The following DMD variants were observed in gnomAD, a reference collection of about 807,000 sequenced individuals.
DMD encodes mutant dystrophin.
A neutral mutation model predicts 330.1 loss-of-function variants in DMD; 63 were observed. The observed-to-expected ratio is 0.19, with a 90% CI of 0.16 to 0.24. The LOEUF (loss-of-function observed/expected upper bound fraction) is 0.24. Ranked by LOEUF, DMD falls within the 10% of genes least tolerant of loss-of-function variation. The pLI, the probability that DMD is intolerant of heterozygous loss-of-function variation, is 1.00. For synonymous variants in DMD, 1,223 were observed against 959.8 expected (o/e 1.27, Z -5.07); for missense variants, 3,344 against 2,684.1 (o/e 1.25, Z -5.43).
At chrX:32,557,546 A>G (rs1395381092) in intron 16 of DMD, among the ~76,000 whole-genome samples, 1 of 111,634 alleles carries the variant, frequency 9.0e-6, no homozygotes, top group Admixed American at 9.6e-5. Flanking sequence ...AGTGATCAAT[A>G]AGTTTTAATG....
chrX:31,329,510 A>C (rs1267662754), intron 61 of DMD, among the ~76,000 whole-genome samples: 1 of 111,987 alleles, frequency 8.9e-6, no homozygotes, highest in East Asian at 2.8e-4. Flanking sequence ...AGAAGCAGTA[A>C]ATAGAAAAGT....
At chrX:32,282,122 T>C (rs2097422912) in intron 43 of DMD, among the ~76,000 whole-genome samples, 1 of 112,110 alleles carries the variant, frequency 8.9e-6, no homozygotes, top group South Asian at 3.6e-4. Flanking sequence ...TGAACTGTTC[T>C]ACCCTCTTAG....
rs1569519894 is a variant in DMD at position 31,293,218 on chromosome X, T to TGAGTGTGTGTGTAGTCTGGTTTA, written c.9224+30379_9224+30380insTAAACCAGACTACACACACACTC. On this transcript the variant is annotated intron_variant, in intron 62 of 78. Transcript: ENST00000357033. ...TAGTCTGGTTTAGTGTGTGTGTGTG[T>TGAGTGTGTGTGTAGTCTGGTTTA]GTGTGTGTGTGTGTGTGTGTGTGTG... Among the ~76,000 whole-genome samples the TGAGTGTGTGTGTAGTCTGGTTTA allele has an allele frequency of 2.7e-3, 259 of 95,852 alleles. 2 individuals are homozygous for TGAGTGTGTGTGTAGTCTGGTTTA. The highest frequency in any genetic ancestry group is 0.011 in the African/African-American group (240 of 22,669). 83.2% of individuals were successfully genotyped at this position (95,852 alleles called of 115,157 possible).
intron 44 of DMD, among the ~76,000 whole-genome samples, chrX:32,189,818 AACT>A (rs1173788672): frequency 6.3e-5 from 7 of 111,226 alleles, no homozygotes; most frequent in Non-Finnish European, 1.1e-4. Context: ...ATGAGTTCAT[AACT>A]GTGCAGTAGA....
intron 30 of DMD, among the ~76,000 whole-genome samples, chrX:32,397,546 A>T (rs2098053845): frequency 8.9e-6 from 1 of 112,091 alleles, no homozygotes; most frequent in African/African-American, 3.2e-5. Context: ...TTCCATTATA[A>T]AAAAGGCATT....
At chrX:32,444,590 C>G (rs907060218) in intron 27 of DMD, among the ~76,000 whole-genome samples, 2 of 110,500 alleles carry the variant, frequency 1.8e-5, no homozygotes, top group Non-Finnish European at 3.8e-5. Context: ...GTGTATGTTT[C>G]CCATAGAGTT....
intron 44 of DMD, among the ~76,000 whole-genome samples, chrX:32,189,193 CTTCT>C (rs1158076466): frequency 9.1e-6 from 1 of 110,201 alleles, no homozygotes; most frequent in Non-Finnish European, 1.9e-5. Flanking sequence ...AAAAATATTT[CTTCT>C]TTCCTTTTGA....
intron 62 of DMD, chrX:31,266,692 G>T: frequency 1.3e-6 from 1 of 767,003 alleles, no homozygotes; most frequent in Non-Finnish European, 2.0e-6. Flanking sequence ...GCCGCCCGGC[G>T]CCCCGGGTCC....
intron 21 of DMD, among the ~76,000 whole-genome samples, chrX:32,473,746 T>A (rs1331781547): frequency 8.9e-6 from 1 of 111,758 alleles, no homozygotes; most frequent in Non-Finnish European, 1.9e-5. Context: ...TCTGAGCACT[T>A]CTGATTTCTT....
At chrX:31,758,228 C>T (rs965120) in intron 51 of DMD, among the ~76,000 whole-genome samples, 6,249 of 97,535 alleles carry the variant, frequency 0.064, 422 homozygotes, top group African/African-American at 0.19. Flanking sequence ...TGCATATTTT[C>T]TCCCCATTGC....
At chrX:32,338,941 T>C in intron 41 of DMD, among the ~76,000 whole-genome samples, 1 of 112,144 alleles carries the variant, frequency 8.9e-6, no homozygotes, top group Admixed American at 9.5e-5. Flanking sequence ...CTGAACGAGA[T>C]ATCTGTTGTT....
Position 31,145,044 on chromosome X carries a change from A to G in DMD, c.10921+1247T>C, listed in dbSNP as rs183040551. 2.7e-3 allele frequency among the ~76,000 whole-genome samples: 303 copies of G among 112,116 alleles called. 1 individual carries two copies. Among genetic ancestry groups the G allele is most frequent in the Middle Eastern group, 4.6e-3 (1 of 218 alleles). On this transcript the variant is annotated intron_variant, in intron 76 of 78. Coordinates refer to ENST00000357033, the MANE Select transcript of DMD (RefSeq NM_004006.3). ...AGAATGAGAACAGAACATGTGGACC[A>G]TTTCCTCAACAAATTCATCCAACTT...
chrX:31,456,171 T>C (rs1350901780), intron 59 of DMD, among the ~76,000 whole-genome samples: 2 of 112,269 alleles, frequency 1.8e-5, no homozygotes, highest in Non-Finnish European at 3.8e-5. Flanking sequence ...TATTAGACTG[T>C]AACGAAGTTC....
intron 17 of DMD, among the ~76,000 whole-genome samples, chrX:32,523,679 G>T: frequency 9.0e-6 from 1 of 111,390 alleles, no homozygotes; most frequent in Admixed American, 9.5e-5. Context: ...CTTCATTTTT[G>T]AAGGCTCCCA....
intron 7 of DMD, among the ~76,000 whole-genome samples, chrX:32,794,406 G>A (rs747717429): frequency 3.3e-4 from 37 of 111,088 alleles, no homozygotes; most frequent in Non-Finnish European, 3.8e-4. Flanking sequence ...TGGCTAACAC[G>A]GTGAAACCCC....
intron 72 of DMD, among the ~76,000 whole-genome samples, chrX:31,173,129 A>G (rs2040167706): frequency 8.9e-6 from 1 of 112,037 alleles, no homozygotes; most frequent in African/African-American, 3.2e-5. Context: ...TCTCTTCTTT[A>G]CAGCATATCA....
At chrX:32,296,375 G>A (rs2097496412) in intron 42 of DMD, among the ~76,000 whole-genome samples, 1 of 111,089 alleles carries the variant, frequency 9.0e-6, no homozygotes, top group Non-Finnish European at 1.9e-5. Flanking sequence ...TGGGCAACAA[G>A]AGTGAAACTC....
chrX:32,511,436 C>T (rs1367096039), intron 18 of DMD, among the ~76,000 whole-genome samples: 4 of 100,869 alleles, frequency 4.0e-5, no homozygotes, highest in African/African-American at 1.1e-4. Flanking sequence ...GCAGGAGAAT[C>T]GCTTGAACCC....
intron 43 of DMD, among the ~76,000 whole-genome samples, chrX:32,263,953 A>G (rs1198828870): frequency 8.9e-6 from 1 of 112,036 alleles, no homozygotes; most frequent in Non-Finnish European, 1.9e-5. Context: ...GCAAACCAAA[A>G]AGAGAATAAA....
Sources: gnomAD v4.1 joint callset for allele counts (sites outside exome capture counted in the v4.1 genomes callset) on GRCh38, gnomAD v4.1.1 for gene constraint, MANE v1.5 for transcripts, NCBI Gene and HGNC (gene_info 2026-07-23, HGNC 2026-07-21) for gene names.